CCDC171: variants seen among roughly 807,000 people sequenced by gnomAD.
The protein encoded by CCDC171 is coiled-coil domain-containing protein 171.
In CCDC171, 177 loss-of-function variants were observed where a neutral mutation model predicts 168.2. That is an observed-to-expected ratio of 1.05 (90% CI 0.93 to 1.19). The LOEUF is 1.19. Among genes scored for constraint, CCDC171 ranks in the 50% most tolerant of loss-of-function variants. The probability of loss-of-function intolerance (pLI) is 0.00; values close to 1 mark genes in which losing one functional copy is unlikely to be tolerated. For synonymous variants in CCDC171, 687 were observed against 540.8 expected, an observed-to-expected ratio of 1.27 and a Z score of -3.75; for missense variants, 1,991 against 1,539.0, an observed-to-expected ratio of 1.29 and a Z score of -4.91.
the CCDC171 span, among the ~76,000 whole-genome samples, chr9:16,079,998 A>T: frequency 6.6e-6 from 1 of 152,196 alleles, no homozygotes; most frequent in Non-Finnish European, 1.5e-5. Flanking sequence ...GAAACCTTCC[A>T]TGCTTGTGAT....
chr9:15,923,790 A>C (rs1347465958), intron 25 of CCDC171, among the ~76,000 whole-genome samples: 1 of 151,302 alleles, frequency 6.6e-6, no homozygotes, highest in African/African-American at 2.4e-5. Flanking sequence ...AAAATAGAGA[A>C]CTTTTTTTCT....
At chr9:15,559,651 A>G (rs1031137515) in intron 1 of CCDC171, among the ~76,000 whole-genome samples, 1 of 152,134 alleles carries the variant, frequency 6.6e-6, no homozygotes. Flanking sequence ...AGGTCTCCTC[A>G]GTACAGCACA....
At chr9:15,831,252 G>C (rs1384672407) in intron 21 of CCDC171, among the ~76,000 whole-genome samples, 1 of 152,052 alleles carries the variant, frequency 6.6e-6, no homozygotes, top group African/African-American at 2.4e-5. Context: ...GATTACAGGT[G>C]TGAGCCACCA....
chr9:15,811,165 C>T (rs909649292), intron 21 of CCDC171, among the ~76,000 whole-genome samples: 2 of 152,198 alleles, frequency 1.3e-5, no homozygotes, highest in African/African-American at 4.8e-5. Context: ...TTCATTTAGG[C>T]AGAAACCTTT....
chr9:15,939,809 A>G (rs1827518903), intron 25 of CCDC171, among the ~76,000 whole-genome samples: 1 of 151,960 alleles, frequency 6.6e-6, no homozygotes, highest in Non-Finnish European at 1.5e-5. Flanking sequence ...GATCTGTTAA[A>G]TAAGTAGTTA....
At chr9:15,912,112 G>A (rs2987057) in intron 24 of CCDC171, among the ~76,000 whole-genome samples, 128,058 of 152,204 alleles carry the variant, frequency 0.84, 54,026 homozygotes, top group East Asian at 0.96. Flanking sequence ...TGATGGCAAT[G>A]GCATTGAATG....
intron 11 of CCDC171, among the ~76,000 whole-genome samples, chr9:15,701,535 A>G (rs995112249): frequency 6.7e-6 from 1 of 149,454 alleles, no homozygotes; most frequent in Non-Finnish European, 1.5e-5. Flanking sequence ...TCTCTGTACC[A>G]TGCCATGCTA....
Position 15,644,180 on chromosome 9 carries a change from T to G in CCDC171, c.823-12947T>G, listed in dbSNP as rs564719830. On this transcript the variant is annotated intron_variant, in intron 7 of 25. Transcript: ENST00000380701. ...CCACAGCAGCCAAACCATTTTACAT[T>G]CCTATCAGTAATGTATGAGGTTTCT... Among the ~76,000 whole-genome samples the G allele has an allele frequency of 3.3e-5, 5 of 152,340 alleles. No homozygotes were observed. In the East Asian group the frequency reaches 9.6e-4, roughly 29 times the overall value.
intron 6 of CCDC171, among the ~76,000 whole-genome samples, chr9:15,608,979 T>G (rs528368372): frequency 1.6e-5 from 2 of 122,812 alleles, no homozygotes; most frequent in African/African-American, 5.9e-5. Flanking sequence ...AAAAGAGTGG[T>G]TTTTTTTTAA....
At position 16,035,290 on chromosome 9, in the gene CCDC171, C is replaced by T. The variant is rs1022655046; in HGVS notation, n.999-167C>T. On this transcript the variant is annotated intron_variant and non_coding_transcript_variant, in intron 6 of 9. Coordinates refer to the CCDC171 transcript ENST00000486641. ...TATGTTAATACATAATTAACATGGA[C>T]ATTATTAGATATAAAAAACTAACAC... Among the ~76,000 whole-genome samples the T allele has an allele frequency of 2.0e-5, 3 of 152,182 alleles. No individual in the cohort carries two copies. The East Asian group carries it at 5.8e-4, about 29-fold the overall frequency.
intron 16 of CCDC171, among the ~76,000 whole-genome samples, chr9:15,743,299 G>C (rs1317780338): frequency 6.6e-6 from 1 of 151,448 alleles, no homozygotes; most frequent in Admixed American, 6.6e-5. Flanking sequence ...CCGAGTAGCT[G>C]TAACTATAGG....
chr9:15,774,919 A>T (rs955349808), intron 18 of CCDC171, among the ~76,000 whole-genome samples: 6 of 152,264 alleles, frequency 3.9e-5, no homozygotes, highest in Non-Finnish European at 7.3e-5. Flanking sequence ...ATGCAAAGGC[A>T]TAAGAATGAT....
At chr9:15,924,008 T>C (rs1035799000) in intron 25 of CCDC171, among the ~76,000 whole-genome samples, 2 of 151,504 alleles carry the variant, frequency 1.3e-5, no homozygotes, top group African/African-American at 2.4e-5. Flanking sequence ...TCCAAAGGCA[T>C]GTATATAGAT....
chr9:15,981,331 A>C (rs943857217), intron 3 of CCDC171, among the ~76,000 whole-genome samples: 1 of 152,202 alleles, frequency 6.6e-6, no homozygotes, highest in African/African-American at 2.4e-5. Flanking sequence ...ACATAAGGAC[A>C]CAGTGAGAAG....
At chr9:15,700,355 A>C (rs1353790382) in intron 11 of CCDC171, among the ~76,000 whole-genome samples, 1 of 152,158 alleles carries the variant, frequency 6.6e-6, no homozygotes, top group Non-Finnish European at 1.5e-5. Context: ...CGCCAAGCCC[A>C]CGCCCACCCG....
chr9:15,799,107 TAAG>T (rs1382380315), intron 21 of CCDC171, among the ~76,000 whole-genome samples: 2 of 141,226 alleles, frequency 1.4e-5, no homozygotes, highest in Non-Finnish European at 3.1e-5. Context: ...ATTTTAAAAA[TAAG>T]AAAACAATTG....
At chr9:15,961,919 C>T (rs529680878) in intron 25 of CCDC171, among the ~76,000 whole-genome samples, 16 of 152,226 alleles carry the variant, frequency 1.1e-4, no homozygotes, top group Admixed American at 9.2e-4. Context: ...TTTTTCATGA[C>T]GTAGTCTTGC....
intron 10 of CCDC171, among the ~76,000 whole-genome samples, chr9:15,689,970 C>G (rs373270317): frequency 6.6e-6 from 1 of 152,096 alleles, no homozygotes; most frequent in East Asian, 1.9e-4. Flanking sequence ...TATTTTTCAA[C>G]AAATGGTGCT....
chr9:16,048,746 C>T (rs945039922), intron 1 of CCDC171, among the ~76,000 whole-genome samples: 9 of 152,020 alleles, frequency 5.9e-5, no homozygotes, highest in African/African-American at 1.9e-4. Context: ...GCTCTGTCAT[C>T]TGTAAAGTGG....
Sources: allele counts gnomAD v4.1 joint callset (sites outside exome capture counted in the v4.1 genomes callset), GRCh38; gene constraint gnomAD v4.1.1; transcripts MANE v1.5; gene names NCBI Gene and HGNC (gene_info 2026-07-23, HGNC 2026-07-21).